The following KCNB2 variants were observed in gnomAD, a reference collection of about 807,000 sequenced individuals.
KCNB2 encodes the protein delayed rectifier potassium channel protein.
A neutral mutation model predicts 61.5 loss-of-function variants in KCNB2; 15 were observed. That is an observed-to-expected ratio of 0.24 (90% CI 0.16 to 0.38). KCNB2 has a LOEUF of 0.38. KCNB2 is among the 10% of genes least tolerant of loss of function. The pLI is 1.00. For missense variants in KCNB2, 828 were observed against 1,125.2 expected (o/e 0.74, Z 3.78); for synonymous variants, 457 against 446.0 (o/e 1.02, Z -0.31).
chr8:72,791,282 G>A (rs1808937968), intron 2 of KCNB2, among the ~76,000 whole-genome samples: 1 of 152,160 alleles, frequency 6.6e-6, no homozygotes, highest in Admixed American at 6.5e-5. Flanking sequence ...GGGTGCAGTG[G>A]CTCACACCTA....
At chr8:72,666,118 CTA>C (rs1332078673) in intron 2 of KCNB2, among the ~76,000 whole-genome samples, 1 of 152,190 alleles carries the variant, frequency 6.6e-6, no homozygotes. Flanking sequence ...CTACTTGACA[CTA>C]TGAACTTTTC....
At chr8:72,871,790 A>G (rs1353523320) in intron 2 of KCNB2, among the ~76,000 whole-genome samples, 2 of 152,230 alleles carry the variant, frequency 1.3e-5, no homozygotes, top group Non-Finnish European at 2.9e-5. Context: ...CTGCACTTCT[A>G]TTTTAAATTT....
intron 2 of KCNB2, among the ~76,000 whole-genome samples, chr8:72,647,242 G>A (rs1212820811): frequency 6.6e-6 from 1 of 151,982 alleles, no homozygotes; most frequent in Non-Finnish European, 1.5e-5. Flanking sequence ...TCTCTACTAA[G>A]GAAACTAAAG....
intron 2 of KCNB2, among the ~76,000 whole-genome samples, chr8:72,764,302 A>G (rs911014518): frequency 6.6e-6 from 1 of 152,170 alleles, no homozygotes; most frequent in Non-Finnish European, 1.5e-5. Context: ...TTGGCAAATA[A>G]CAGAATGAGG....
chr8:72,592,373 G>A (rs1301731656), intron 2 of KCNB2, among the ~76,000 whole-genome samples: 3 of 152,044 alleles, frequency 2.0e-5, no homozygotes, highest in Non-Finnish European at 4.4e-5. Flanking sequence ...ATATCTGCAT[G>A]TCATAGGGGT....
intron 2 of KCNB2, among the ~76,000 whole-genome samples, chr8:72,705,810 T>C (rs1807214484): frequency 6.6e-6 from 1 of 152,204 alleles, no homozygotes; most frequent in Non-Finnish European, 1.5e-5. Flanking sequence ...GGGTGTCTGA[T>C]AGCAGATAAT....
chr8:72,582,306 A>C (rs1170123291), intron 2 of KCNB2, among the ~76,000 whole-genome samples: 1 of 152,206 alleles, frequency 6.6e-6, no homozygotes, highest in Non-Finnish European at 1.5e-5. Context: ...GCTTTAAGGA[A>C]CTAAAGCATT....
chr8:72,684,554 C>T (rs138931769), intron 2 of KCNB2, among the ~76,000 whole-genome samples: 20 of 152,228 alleles, frequency 1.3e-4, no homozygotes, highest in Non-Finnish European at 2.5e-4. Context: ...TGCATCACCC[C>T]CTCCTCACCC....
At chr8:72,933,395 C>T (rs185649741) in intron 2 of KCNB2, among the ~76,000 whole-genome samples, 1 of 152,314 alleles carries the variant, frequency 6.6e-6, no homozygotes, top group East Asian at 1.9e-4. Flanking sequence ...AGAATGGATT[C>T]ATTTGCATTT....
intron 2 of KCNB2, among the ~76,000 whole-genome samples, chr8:72,844,073 A>G (rs1192891652): frequency 1.3e-5 from 2 of 152,266 alleles, no homozygotes; most frequent in Admixed American, 6.5e-5. Context: ...AGTGGCTGGT[A>G]CTGGTTTTTC....
At chr8:72,889,576 A>T (rs1319498950) in intron 2 of KCNB2, among the ~76,000 whole-genome samples, 1 of 151,766 alleles carries the variant, frequency 6.6e-6, no homozygotes, top group Non-Finnish European at 1.5e-5. Flanking sequence ...AATCCCAGCC[A>T]CTCTGGAGGC....
At chr8:72,600,998 C>CAA (rs773297528) in intron 2 of KCNB2, among the ~76,000 whole-genome samples, 7 of 128,018 alleles carry the variant, frequency 5.5e-5, no homozygotes, top group African/African-American at 1.1e-4. Flanking sequence ...AAATAAAAGT[C>CAA]AAAAAAAAAA....
intron 2 of KCNB2, among the ~76,000 whole-genome samples, chr8:72,667,462 T>TA (rs986730544): frequency 1.3e-5 from 2 of 152,318 alleles, no homozygotes; most frequent in African/African-American, 4.8e-5. Context: ...TCTTTTTTTT[T>TA]ATCCCACAAG....
intron 2 of KCNB2, among the ~76,000 whole-genome samples, chr8:72,885,718 C>A (rs1039740457): frequency 1.3e-5 from 2 of 152,044 alleles, no homozygotes; most frequent in Non-Finnish European, 2.9e-5. Flanking sequence ...CTTTCTCCTG[C>A]CTTTTTCCTT....
Position 72,845,459 on chromosome 8 carries a change from G to A in KCNB2, c.580-90476G>A, listed in dbSNP as rs557965454. 1.1e-4 allele frequency among the ~76,000 whole-genome samples: 16 copies of A among 152,342 alleles called. No individual in the cohort carries two copies. The South Asian group carries it at 2.1e-3, about 20-fold the overall frequency. ...GACAGTCTGACCCTTAGCAGAGCTC[G>A]AGCACTGTGCTGGGACATCCACTGC... On this transcript the variant is annotated intron_variant, in intron 2 of 2. Coordinates refer to ENST00000523207, the MANE Select transcript of KCNB2 (RefSeq NM_004770.3).
At chr8:72,898,375 T>C (rs899497743) in intron 2 of KCNB2, among the ~76,000 whole-genome samples, 1 of 152,012 alleles carries the variant, frequency 6.6e-6, no homozygotes, top group African/African-American at 2.4e-5. Flanking sequence ...CACACCAACA[T>C]GGCACATGTA....
intron 2 of KCNB2, among the ~76,000 whole-genome samples, chr8:72,770,624 C>T (rs1175630927): frequency 1.3e-5 from 2 of 152,150 alleles, no homozygotes; most frequent in African/African-American, 2.4e-5. Flanking sequence ...GGCAACATTT[C>T]CTTGATCTCT....
chr8:72,855,181 G>A (rs746705799), intron 2 of KCNB2, among the ~76,000 whole-genome samples: 10 of 152,136 alleles, frequency 6.6e-5, no homozygotes, highest in East Asian at 1.9e-4. Context: ...TGAATCCATC[G>A]TCCACAGTAG....
chr8:72,912,618 T>C (rs1395646280), intron 2 of KCNB2, among the ~76,000 whole-genome samples: 2 of 151,740 alleles, frequency 1.3e-5, no homozygotes, highest in Non-Finnish European at 2.9e-5. Flanking sequence ...GTTTAGATAA[T>C]TTAACCTCTA....
Sources: allele counts gnomAD v4.1 joint callset (sites outside exome capture counted in the v4.1 genomes callset), GRCh38; gene constraint gnomAD v4.1.1; transcripts MANE v1.5; gene names NCBI Gene and HGNC (gene_info 2026-07-23, HGNC 2026-07-21).